The following RARB variants were observed in gnomAD, a reference collection of about 807,000 sequenced individuals.
The protein encoded by RARB is retinoic acid receptor beta, also known as HBV-activated protein.
In RARB, 17 loss-of-function variants were observed where a neutral mutation model predicts 51.9. The observed-to-expected ratio is 0.33, with a 90% CI of 0.22 to 0.49. The LOEUF (loss-of-function observed/expected upper bound fraction) is 0.49. Among genes scored for constraint, RARB ranks in the 20% least tolerant of loss-of-function variants. The pLI is 0.99. For synonymous variants in RARB, 215 were observed against 195.4 expected (o/e 1.10, Z -0.84); for missense variants, 369 against 550.8 (o/e 0.67, Z 3.30).
intron 2 of RARB, among the ~76,000 whole-genome samples, chr3:24,933,988 T>C (rs1695495965): frequency 6.6e-6 from 1 of 152,218 alleles, no homozygotes; most frequent in African/African-American, 2.4e-5. Flanking sequence ...TTAATATCCT[T>C]AGAATCCTTA....
chr3:24,844,757 C>CA (rs776776916), intron 1 of RARB, among the ~76,000 whole-genome samples: 2 of 152,088 alleles, frequency 1.3e-5, no homozygotes, highest in Non-Finnish European at 2.9e-5. Context: ...AAGTTCATAC[C>CA]ATTATTCTCT....
At position 25,475,956 on chromosome 3, in the gene RARB, T is replaced by C. The variant is rs556245334; in HGVS notation, c.306+14615T>C. Among the ~76,000 whole-genome samples the C allele has an allele frequency of 1.1e-4, 16 of 152,362 alleles. 1 individual carries two copies. The South Asian group carries it at 3.3e-3, about 32-fold the overall frequency. On this transcript the variant is annotated intron_variant, in intron 2 of 7. Transcript: ENST00000330688. ...AGTTGTGTATTTGTCACTCACACCATGTGTCCATTTTGGATAGATAGTTCT... is the reference window on the plus strand; with the variant it reads ...AGTTGTGTATTTGTCACTCACACCACGTGTCCATTTTGGATAGATAGTTCT...
At chr3:25,340,191 C>A (rs752797898) in intron 5 of RARB, among the ~76,000 whole-genome samples, 1 of 152,094 alleles carries the variant, frequency 6.6e-6, no homozygotes, top group Admixed American at 6.6e-5. Context: ...CTGCACTGGG[C>A]TGACTACAAA....
chr3:25,314,189 T>A (rs191020384), intron 5 of RARB, among the ~76,000 whole-genome samples: 1 of 152,176 alleles, frequency 6.6e-6, no homozygotes, highest in African/African-American at 2.4e-5. Context: ...AAAAATAAGG[T>A]CATATTTTAT....
At chr3:25,548,130 G>A (rs1699695554) in intron 3 of RARB, among the ~76,000 whole-genome samples, 2 of 144,294 alleles carry the variant, frequency 1.4e-5, no homozygotes, top group Admixed American at 7.0e-5. Context: ...GAAGTGGACT[G>A]TGGTTTGTGT....
chr3:24,995,477 T>A (rs1218520663), intron 2 of RARB, among the ~76,000 whole-genome samples: 1 of 152,092 alleles, frequency 6.6e-6, no homozygotes, highest in African/African-American at 2.4e-5. Context: ...CTTGCCAAAT[T>A]TCTCTAGCTA....
At chr3:24,984,263 C>T (rs891728803) in intron 2 of RARB, among the ~76,000 whole-genome samples, 1 of 152,108 alleles carries the variant, frequency 6.6e-6, no homozygotes, top group African/African-American at 2.4e-5. Flanking sequence ...AAAGCAATAG[C>T]AACATGGAAA....
chr3:24,989,573 A>AT (rs1696867118), intron 2 of RARB, among the ~76,000 whole-genome samples: 1 of 106,218 alleles, frequency 9.4e-6, no homozygotes, highest in Admixed American at 1.2e-4. Context: ...TTTAATATAT[A>AT]TTTTTCTGAT....
chr3:25,246,894 G>A (rs892731347), intron 5 of RARB, among the ~76,000 whole-genome samples: 12 of 152,196 alleles, frequency 7.9e-5, no homozygotes, highest in African/African-American at 2.9e-4. Context: ...AAGCAGAAAC[G>A]TTTAAGTCTG....
chr3:24,870,720 G>A (rs1405761990), intron 2 of RARB, among the ~76,000 whole-genome samples: 4 of 151,970 alleles, frequency 2.6e-5, no homozygotes, highest in African/African-American at 9.7e-5. Flanking sequence ...ACTTTTTACT[G>A]CACTGATTAA....
intron 1 of RARB, among the ~76,000 whole-genome samples, chr3:24,838,012 G>A (rs1575029957): frequency 6.6e-6 from 1 of 152,186 alleles, no homozygotes; most frequent in Non-Finnish European, 1.5e-5. Context: ...TTTATGTAGA[G>A]GTTTAAGAGA....
chr3:25,068,863 A>C (rs1414765144), intron 3 of RARB, among the ~76,000 whole-genome samples: 1 of 152,062 alleles, frequency 6.6e-6, no homozygotes, highest in Non-Finnish European at 1.5e-5. Flanking sequence ...TTAGTATCAG[A>C]AATGAGCCTA....
intron 2 of RARB, among the ~76,000 whole-genome samples, chr3:24,988,583 A>G (rs987044833): frequency 1.3e-5 from 2 of 152,168 alleles, no homozygotes; most frequent in Admixed American, 1.3e-4. Flanking sequence ...AAGGTAAAGT[A>G]TAGATTATAA....
intron 5 of RARB, among the ~76,000 whole-genome samples, chr3:25,357,857 A>G (rs1319096692): frequency 1.3e-5 from 2 of 152,016 alleles, no homozygotes; most frequent in Non-Finnish European, 2.9e-5. Flanking sequence ...GTTCTTTTCC[A>G]TTGGTCTATA....
chr3:25,225,672 C>T (rs1702040968), intron 5 of RARB, among the ~76,000 whole-genome samples: 1 of 152,132 alleles, frequency 6.6e-6, no homozygotes. Flanking sequence ...GAGAATTTTA[C>T]ATGCAATATG....
At chr3:24,930,803 G>C (rs1322496524) in intron 2 of RARB, among the ~76,000 whole-genome samples, 1 of 152,092 alleles carries the variant, frequency 6.6e-6, no homozygotes. Context: ...GAGGCCAGGA[G>C]TTAGAGACCA....
chr3:25,317,582 T>G (rs961306620), intron 5 of RARB, among the ~76,000 whole-genome samples: 3 of 152,088 alleles, frequency 2.0e-5, no homozygotes, highest in African/African-American at 4.8e-5. Flanking sequence ...TACCTAAAAT[T>G]ACAGAGACCT....
At chr3:24,972,003 C>G (rs576429278) in intron 2 of RARB, among the ~76,000 whole-genome samples, 1 of 144,350 alleles carries the variant, frequency 6.9e-6, no homozygotes, top group Non-Finnish European at 1.5e-5. Flanking sequence ...TAGGAACATT[C>G]GAGTTATTCT....
At chr3:25,502,822 T>A (rs1697385197) in intron 3 of RARB, among the ~76,000 whole-genome samples, 1 of 152,166 alleles carries the variant, frequency 6.6e-6, no homozygotes, top group Admixed American at 6.5e-5. Flanking sequence ...GGACAAAGCA[T>A]GCACTGTAGA....
Sources: gnomAD v4.1 joint callset for allele counts (sites outside exome capture counted in the v4.1 genomes callset) on GRCh38, gnomAD v4.1.1 for gene constraint, MANE v1.5 for transcripts, NCBI Gene and HGNC (gene_info 2026-07-23, HGNC 2026-07-21) for gene names.